TNFSF4: variants seen among roughly 807,000 people sequenced by gnomAD.
TNFSF4 encodes tumor necrosis factor ligand superfamily member 4.
A neutral mutation model predicts 7.3 loss-of-function variants in TNFSF4; 4 were observed. The ratio of observed to expected loss-of-function variants is 0.55; its 90% CI spans 0.27 to 1.25. The LOEUF is 1.25. Ranked by LOEUF, TNFSF4 falls within the 50% of genes most tolerant of loss-of-function variation. The pLI is 0.12. For missense variants in TNFSF4, 181 were observed against 208.8 expected, an observed-to-expected ratio of 0.87 and a Z score of 0.82; for synonymous variants, 76 against 83.7, an observed-to-expected ratio of 0.91 and a Z score of 0.50.
At chr1:173,300,481 G>A in the TNFSF4 span, among the ~76,000 whole-genome samples, 88 of 151,942 alleles carry the variant, frequency 5.8e-4, no homozygotes, top group African/African-American at 1.8e-3. Flanking sequence ...ATTTTCTTAC[G>A]TTAGGGATTT....
the TNFSF4 span, among the ~76,000 whole-genome samples, chr1:173,248,137 C>T: frequency 6.6e-6 from 1 of 151,974 alleles, no homozygotes; most frequent in African/African-American, 2.4e-5. Context: ...ATGTGGATCA[C>T]GAGGTCAGGA....
At chr1:173,175,239 G>A in the TNFSF4 span, 1 of 152,124 alleles carries the variant, frequency 6.6e-6, no homozygotes, top group South Asian at 2.1e-4. Flanking sequence ...GCTGATAAGT[G>A]GTGGTAAAAT....
chr1:173,245,382 C>T, the TNFSF4 span, among the ~76,000 whole-genome samples: 6 of 152,136 alleles, frequency 3.9e-5, no homozygotes, highest in South Asian at 2.1e-4. Context: ...CCCTTGCTTT[C>T]GTCCTCATTC....
intron 1 of TNFSF4, among the ~76,000 whole-genome samples, chr1:173,197,674 C>T (rs1649762618): frequency 6.6e-6 from 1 of 152,072 alleles, no homozygotes; most frequent in Non-Finnish European, 1.5e-5. Flanking sequence ...ACACTGGCGC[C>T]TGTTGCAGGG....
At chr1:173,445,903 T>A in the TNFSF4 span, among the ~76,000 whole-genome samples, 1 of 152,224 alleles carries the variant, frequency 6.6e-6, no homozygotes, top group African/African-American at 2.4e-5. Context: ...AAAACTGAGA[T>A]AACATTGGAA....
intron 1 of TNFSF4, among the ~76,000 whole-genome samples, chr1:173,196,316 A>T (rs898838291): frequency 1.3e-5 from 2 of 152,206 alleles, no homozygotes; most frequent in Non-Finnish European, 2.9e-5. Context: ...ACCTTGTTGG[A>T]TAACGAGTTT....
At chr1:173,303,877 G>A in the TNFSF4 span, among the ~76,000 whole-genome samples, 2 of 150,224 alleles carry the variant, frequency 1.3e-5, no homozygotes, top group Non-Finnish European at 2.9e-5. Flanking sequence ...TAATATATAA[G>A]TAAGTCACCC....
the TNFSF4 span, among the ~76,000 whole-genome samples, chr1:173,279,168 T>C: frequency 5.3e-5 from 8 of 152,100 alleles, no homozygotes; most frequent in Admixed American, 5.2e-4. Flanking sequence ...AAGGACTTAA[T>C]GGTGACTAAG....
At chr1:173,415,396 G>T in the TNFSF4 span, among the ~76,000 whole-genome samples, 1 of 152,230 alleles carries the variant, frequency 6.6e-6, no homozygotes, top group Non-Finnish European at 1.5e-5. Flanking sequence ...AGCCTATGAA[G>T]AATGGACAGT....
chr1:173,332,958 A>G, the TNFSF4 span, among the ~76,000 whole-genome samples: 123,577 of 152,294 alleles, frequency 0.81, 50,535 homozygotes, highest in Non-Finnish European at 0.86. Context: ...CTCTGCCATC[A>G]CCATATACAA....
rs184610326 is a variant in TNFSF4 at position 173,205,083 on chromosome 1, C to T, written c.153+1941G>A. Among the ~76,000 whole-genome samples, 12 of 152,088 alleles carry T rather than the reference C, an allele frequency of 7.9e-5. No individual in the cohort carries two copies. The East Asian group carries it at 2.3e-3, about 29-fold the overall frequency. The stretch of plus-strand genomic sequence containing the variant: ...TAAATGTAAGGACCCATTGTGCTGT[C>T]CCAGATCCTATAACAATATAAGAAA... On this transcript the variant is annotated intron_variant, in intron 1 of 2. Coordinates refer to ENST00000281834, the MANE Select transcript of TNFSF4 (RefSeq NM_003326.5).
rs544281349 is a variant in TNFSF4 at position 173,186,603 on chromosome 1, A to G, written c.465T>C (p.Thr155=). The change falls in exon 3 of 3, where the codon ACT becomes ACC. Residue 155 remains threonine, a synonymous_variant. Coordinates refer to ENST00000281834, the MANE Select transcript of TNFSF4 (RefSeq NM_003326.5). ...GGAAGTCATCCAGGGAGGTATTGTC[A>G]GTGGTCACATTCAAGTAGACTTTGT... is the stretch of plus-strand genomic sequence containing the variant. ...YKDKVYLNVT[T]DNTSLDDFHV... The G allele has an allele frequency of 2.2e-5, 35 of 1,614,192 alleles. No homozygotes were observed. The African/African-American group carries it at 3.5e-4, about 16-fold the overall frequency.
At chr1:173,386,000 G>C in the TNFSF4 span, among the ~76,000 whole-genome samples, 2 of 152,188 alleles carry the variant, frequency 1.3e-5, no homozygotes, top group African/African-American at 4.8e-5. Flanking sequence ...TAGTATGGGT[G>C]GACAGAAGTC....
At chr1:173,404,695 G>A in the TNFSF4 span, among the ~76,000 whole-genome samples, 3 of 149,808 alleles carry the variant, frequency 2.0e-5, no homozygotes, top group South Asian at 2.1e-4. Flanking sequence ...GCAGTGGCAC[G>A]ATCTCAGCTC....
chr1:173,392,193 G>A, the TNFSF4 span, among the ~76,000 whole-genome samples: 4 of 152,078 alleles, frequency 2.6e-5, no homozygotes, highest in African/African-American at 7.2e-5. Context: ...AACCCTGTGG[G>A]CCCCAATTTC....
At chr1:173,329,301 C>A in the TNFSF4 span, among the ~76,000 whole-genome samples, 1 of 152,130 alleles carries the variant, frequency 6.6e-6, no homozygotes, top group South Asian at 2.1e-4. Flanking sequence ...TAAATCATGT[C>A]TAGATTACCT....
At chr1:173,253,027 T>C in the TNFSF4 span, among the ~76,000 whole-genome samples, 1 of 152,198 alleles carries the variant, frequency 6.6e-6, no homozygotes, top group Non-Finnish European at 1.5e-5. Flanking sequence ...AGGAATATTT[T>C]CAGGTTTTTT....
the TNFSF4 span, among the ~76,000 whole-genome samples, chr1:173,395,377 AATATATATATAT>A: frequency 0.12 from 7,377 of 63,232 alleles, 568 homozygotes; most frequent in Admixed American, 0.19. Flanking sequence ...CTGTGTATAT[AATATATATATAT>A]ATATATATAT....
At chr1:173,258,799 C>A in the TNFSF4 span, among the ~76,000 whole-genome samples, 1 of 152,138 alleles carries the variant, frequency 6.6e-6, no homozygotes, top group Non-Finnish European at 1.5e-5. Flanking sequence ...GGTTTCCCTG[C>A]AGGAATTTCA....
Sources: gnomAD v4.1 joint callset for allele counts (sites outside exome capture counted in the v4.1 genomes callset) on GRCh38, gnomAD v4.1.1 for gene constraint, MANE v1.5 for transcripts, NCBI Gene and HGNC (gene_info 2026-07-23, HGNC 2026-07-21) for gene names.